Variants in HDAC7 observed in about 807,000 individuals in gnomAD.
HDAC7 encodes histone deacetylase 7A.
Under a neutral mutation model 115.5 loss-of-function variants are expected in HDAC7, and 26 were observed. The ratio of observed to expected loss-of-function variants is 0.23; its 90% confidence interval spans 0.16 to 0.31. The LOEUF (loss-of-function observed/expected upper bound fraction) is 0.31, where lower values mean the gene tolerates loss of function less well. Among genes scored for constraint, HDAC7 ranks in the 10% least tolerant of loss-of-function variants. The probability of loss-of-function intolerance (pLI) is 1.00; values close to 1 mark genes in which losing one functional copy is unlikely to be tolerated. For missense variants in HDAC7, 1,068 were observed against 1,329.0 expected (o/e 0.80, Z 3.05); for synonymous variants, 564 against 550.9 (o/e 1.02, Z -0.33).
chr12:47,791,343 T>C (rs1565800422), intron 15 of HDAC7, 35 bp from the exon 16 acceptor site: 1 of 1,543,814 alleles, frequency 6.5e-7, no homozygotes, highest in African/African-American at 1.4e-5. Context: ...TCAGCGTGAA[T>C]ACTCTCAGCC....
At chr12:47,818,465 G>T (rs1944911255) in intron 1 of HDAC7, among the ~76,000 whole-genome samples, 1 of 152,234 alleles carries the variant, frequency 6.6e-6, no homozygotes, top group Non-Finnish European at 1.5e-5. Flanking sequence ...CCCATGGGTA[G>T]CGGCAGCCTA....
rs887884937 is a variant in HDAC7, at chr12:47,803,541, T to G, written c.20-1267A>C. ...ACCTATTTAAATTCTGCCCATCCTC[T>G]GAGGTCCAGCCCAAGTCCATCTCCT... On this transcript the variant is annotated intron_variant, in intron 1 of 25. Coordinates refer to ENST00000080059, the MANE Select transcript of HDAC7 (RefSeq NM_015401.5). This position sits in a 1 kb window ranked among gnomAD's most constrained non-coding sequence, Gnocchi z 4.0. Among the ~76,000 whole-genome samples, 44 of 152,272 alleles carry G rather than the reference T, an allele frequency of 2.9e-4. No individual in the cohort carries two copies. The highest frequency in any genetic ancestry group is 9.9e-4 in the African/African-American group (41 of 41,550).
In HDAC7 at chr12:47,797,582, G is replaced by C; in HGVS notation, c.462-83C>G. ...CCTGAGCACGGGCCCTGGGACCTGAGGGGGAGGCTGCAGCGGGCAGGGCTG... is the reference window on the plus strand; with the variant it reads ...CCTGAGCACGGGCCCTGGGACCTGACGGGGAGGCTGCAGCGGGCAGGGCTG... On this transcript the variant is annotated intron_variant, in intron 5 of 25. Transcript: ENST00000080059. This position sits in a 1 kb window ranked among gnomAD's most constrained non-coding sequence, Gnocchi z 5.5. 1 of 1,027,438 alleles carries C rather than the reference G, an allele frequency of 9.7e-7. No individual in the cohort carries two copies. Among genetic ancestry groups the C allele is most frequent in the Admixed American group, 2.4e-5 (1 of 41,558 alleles). The allele number at this position is 1,027,438 out of a possible 1,614,324, so 63.6% of individuals were successfully genotyped here. A position where few individuals can be genotyped will look rare whatever the true frequency, so the allele number is the denominator to read the frequency against.
chr12:47,792,428 G>A (rs2136946804), intron 13 of HDAC7: 1 of 344,700 alleles, frequency 2.9e-6, no homozygotes, highest in Non-Finnish European at 5.7e-6. Flanking sequence ...GCAGCAGGAG[G>A]GAAAAGAATT....
chr12:47,797,291 G>GGGGCC lies in HDAC7; in HGVS notation c.577+92_577+93insGGCCC. ...AGCCTACCGATGATCTCCTGGCCCA[G>GGGGCC]CCCAGCCCGCCCACCCCTGCACACT... On this transcript the variant is annotated intron_variant, in intron 6 of 25. Coordinates refer to ENST00000080059, the MANE Select transcript of HDAC7 (RefSeq NM_015401.5). The surrounding 1 kb of genome is among the most constrained non-coding windows in gnomAD (Gnocchi z 5.5). 1 of 1,336,212 alleles carries GGGGCC rather than the reference G, an allele frequency of 7.5e-7. No homozygotes were observed. The highest frequency in any genetic ancestry group is 1.1e-6 in the Non-Finnish European group (1 of 948,970). The allele number at this position is 1,336,212 out of a possible 1,614,324, so 82.8% of individuals were successfully genotyped here. A position where few individuals can be genotyped will look rare whatever the true frequency, so the allele number is the denominator to read the frequency against.
In HDAC7 at chr12:47,791,847, C is replaced by T. The variant is rs755946996; in HGVS notation, c.1812+24G>A. 19 of 1,529,272 alleles carry T rather than the reference C, an allele frequency of 1.2e-5. No individual in the cohort carries two copies. In the African/African-American group the frequency reaches 1.3e-4, roughly 10 times the overall value. The allele number at this position is 1,529,272 out of a possible 1,614,324, so 94.7% of individuals were successfully genotyped here. On this transcript the variant is annotated intron_variant, in intron 14 of 25. Coordinates refer to ENST00000080059, the MANE Select transcript of HDAC7 (RefSeq NM_015401.5). ...ATGACTCCTCCCTCCACCCATTCCTCGGGCCCCACCCGCGCCTCCTCACCT... is the reference window on the plus strand; with the variant it reads ...ATGACTCCTCCCTCCACCCATTCCTTGGGCCCCACCCGCGCCTCCTCACCT...
In HDAC7 at chr12:47,789,885, G is replaced by A; in HGVS notation, c.2019C>T (p.Ser673=). The A allele has an allele frequency of 6.2e-7, 1 of 1,613,806 alleles. No homozygotes were observed. Among genetic ancestry groups the A allele is most frequent in the South Asian group, 1.1e-5 (1 of 91,084 alleles). Residue 673 remains serine, a synonymous_variant, in exon 17 of 26, where the codon TCC becomes TCT. Transcript: ENST00000080059. ...DTDTIWNELH[S]SNAARWAAGS... Reference sequence around the variant, plus strand: ...CAGCGGCCCAGCGGGCTGCATTGGAGGAATGAAGCTCATTCCAGATGGTGT... The same window carrying A: ...CAGCGGCCCAGCGGGCTGCATTGGAAGAATGAAGCTCATTCCAGATGGTGT...
chr12:47,817,866 C>T (rs1944892503), intron 1 of HDAC7: 1 of 152,270 alleles, frequency 6.6e-6, no homozygotes, highest in South Asian at 2.1e-4. Context: ...CCCCATCACA[C>T]ATGAGTTTCT....
chr12:47,789,115 A>G, intron 19 of HDAC7, 146 bp downstream of exon 19: 3 of 701,510 alleles, frequency 4.3e-6, no homozygotes, highest in Non-Finnish European at 7.5e-6. Context: ...TGTGGGTGTT[A>G]TCTTCACCCA....
Position 47,783,686 on chromosome 12 carries a change from C to G in HDAC7, c.*155G>C. 1 of 774,608 alleles carries G rather than the reference C, an allele frequency of 1.3e-6. No individual in the cohort carries two copies. Among genetic ancestry groups the G allele is most frequent in the Admixed American group, 2.2e-5 (1 of 46,134 alleles). 48.0% of individuals were successfully genotyped at this position (774,608 alleles called of 1,614,324 possible). ...TTCTAGACCCAGGGATTTTCTCACG[C>G]TCCCTGGGATAACTGTCAAAGCAGG... On this transcript the variant is annotated 3_prime_UTR_variant, in exon 26 of 26. Coordinates refer to ENST00000080059, the MANE Select transcript of HDAC7 (RefSeq NM_015401.5).
chr12:47,793,570 G>C lies in HDAC7; in HGVS notation c.1477C>G (p.Gln493Glu). The part of the protein sequence containing the change: ...QHPQVLLWEQ[Q>E]RLAGRLPRGS... ...CGGGGGAGCCGCCCAGCCAGTCGCT[G>C]CTGTTCCCAGAGCAACACCTAGGGG... Residue 493 changes from glutamine to glutamate, a missense_variant, in exon 13 of 26, where the codon CAG (glutamine) becomes GAG (glutamate). Physicochemically the swap from Gln to Glu is conservative, Grantham distance 29. Coordinates refer to ENST00000080059, the MANE Select transcript of HDAC7 (RefSeq NM_015401.5). The surrounding 1 kb of genome is among the most constrained non-coding windows in gnomAD (Gnocchi z 4.5). 1 of 1,543,570 alleles carries C rather than the reference G, an allele frequency of 6.5e-7. No individual in the cohort carries two copies. Among genetic ancestry groups the C allele is most frequent in the Non-Finnish European group, 8.7e-7 (1 of 1,144,146 alleles).
intron 24 of HDAC7, chr12:47,784,808 G>A (rs1943074143): frequency 6.5e-7 from 1 of 1,532,744 alleles, no homozygotes; most frequent in African/African-American, 1.4e-5. Flanking sequence ...CCCACCGTAA[G>A]AGGAATCAGC....
intron 1 of HDAC7, chr12:47,818,014 C>T (rs1345124721): frequency 1.3e-5 from 2 of 152,302 alleles, no homozygotes; most frequent in East Asian, 1.9e-4. Flanking sequence ...CTTCATTCTC[C>T]TCTCCATAGT....
chr12:47,788,931 T>G (rs982302893), intron 19 of HDAC7: 1 of 307,096 alleles, frequency 3.3e-6, no homozygotes, highest in Non-Finnish European at 6.1e-6. Flanking sequence ...TGTTATCTGC[T>G]ATTATTCTTA....
chr12:47,797,478 C>A lies in HDAC7; in HGVS notation c.483G>T (p.Thr161=), dbSNP rs886187690. The A allele has an allele frequency of 6.2e-7, 1 of 1,613,026 alleles. No homozygotes were observed. The highest frequency in any genetic ancestry group is 2.2e-5 in the East Asian group (1 of 44,888). Residue 161 remains threonine (T), a synonymous_variant, in exon 6 of 26, where the codon ACG becomes ACT. Coordinates refer to ENST00000080059, the MANE Select transcript of HDAC7 (RefSeq NM_015401.5). The surrounding 1 kb of genome is among the most constrained non-coding windows in gnomAD (Gnocchi z 5.5). ...TGAGCATGGAGCGGGTGGCTCCTTC[C>A]GTCTCCAGGGGCTCCAGGGTTCTAC... ...IPYRTLEPLE[T]EGATRSMLSS...
At chr12:47,810,084 T>C (rs1038968064) in intron 1 of HDAC7, among the ~76,000 whole-genome samples, 1 of 152,096 alleles carries the variant, frequency 6.6e-6, no homozygotes, top group Non-Finnish European at 1.5e-5. Flanking sequence ...GTAGCTGGGA[T>C]TACAGGTGCA....
At position 47,783,804 on chromosome 12, in the gene HDAC7, C is replaced by T; in HGVS notation, c.*37G>A. 6.2e-7 allele frequency: 1 copy of T among 1,603,658 alleles called. No homozygotes were observed. The highest frequency in any genetic ancestry group is 1.1e-5 in the South Asian group (1 of 88,750). ...CCAGGGGTTAGAAGAGAACCAGGTC[C>T]CAAGGGCATGGTGGGCGGGCAGATG... On this transcript the variant is annotated 3_prime_UTR_variant, in exon 26 of 26. Coordinates refer to ENST00000080059, the MANE Select transcript of HDAC7 (RefSeq NM_015401.5).
chr12:47,790,905 A>G, intron 16 of HDAC7: 1 of 360,740 alleles, frequency 2.8e-6, no homozygotes, highest in South Asian at 3.4e-5. Flanking sequence ...TTGCCACTTA[A>G]GAGCAGACAG....
intron 12 of HDAC7, 91 bp downstream of exon 12, chr12:47,794,669 T>C (rs1022239193): frequency 7.6e-7 from 1 of 1,322,820 alleles, no homozygotes. Flanking sequence ...CCTGTTGCAC[T>C]GATGTCGTAT....
Sources: allele counts gnomAD v4.1 joint callset (sites outside exome capture counted in the v4.1 genomes callset), GRCh38; gene constraint gnomAD v4.1.1; non-coding constraint Gnocchi (gnomAD v3.1); transcripts MANE v1.5; gene names NCBI Gene and HGNC (gene_info 2026-07-23, HGNC 2026-07-21).